Variants in TTC3 observed in about 807,000 individuals in gnomAD.
TTC3 encodes tetratricopeptide repeat domain 3.
TTC3 carries 180 observed loss-of-function variants against 249.6 expected under a neutral mutation model. The observed-to-expected ratio is 0.72, with a 90% CI of 0.64 to 0.82. The LOEUF (loss-of-function observed/expected upper bound fraction) is 0.82. Ranked by LOEUF, TTC3 falls within the 40% of genes least tolerant of loss-of-function variation. The pLI is 0.00. For synonymous variants in TTC3, 717 were observed against 805.0 expected (o/e 0.89, Z 1.85); for missense variants, 2,061 against 2,398.4 (o/e 0.86, Z 2.94).
chr21:37,190,377 G>A (rs986785878), intron 39 of TTC3, among the ~76,000 whole-genome samples: 149 of 151,240 alleles, frequency 9.9e-4, no homozygotes, highest in African/African-American at 3.4e-3. Flanking sequence ...CTGGTGATCC[G>A]CCTGCCTAGG....
intron 20 of TTC3, 125 bp downstream of exon 20, chr21:37,140,798 T>G (rs1240159728): frequency 8.5e-6 from 5 of 588,710 alleles, no homozygotes; most frequent in Non-Finnish European, 1.3e-5. Context: ...TAATTGTGAT[T>G]TACTTTGAGG....
intron 7 of TTC3, among the ~76,000 whole-genome samples, chr21:37,092,658 C>T (rs2073423757): frequency 6.6e-6 from 1 of 152,094 alleles, no homozygotes; most frequent in Non-Finnish European, 1.5e-5. Flanking sequence ...AGGTTTTATT[C>T]CATGTAATCT....
chr21:37,131,078 C>G (rs2077432746), intron 16 of TTC3, among the ~76,000 whole-genome samples: 1 of 152,076 alleles, frequency 6.6e-6, no homozygotes, highest in South Asian at 2.1e-4. Flanking sequence ...TGTCCCAGTT[C>G]CTGGTACAGA....
intron 17 of TTC3, among the ~76,000 whole-genome samples, chr21:37,133,884 T>A (rs2077690621): frequency 6.6e-6 from 1 of 152,034 alleles, no homozygotes; most frequent in Non-Finnish European, 1.5e-5. Context: ...TATTTATTAT[T>A]TTCTTTTGTT....
chr21:37,182,461 C>T (rs1047311945), intron 35 of TTC3, among the ~76,000 whole-genome samples: 1 of 152,236 alleles, frequency 6.6e-6, no homozygotes, highest in African/African-American at 2.4e-5. Flanking sequence ...CATGCATACA[C>T]TCCCTGTAGA....
intron 11 of TTC3, among the ~76,000 whole-genome samples, chr21:37,120,012 A>G (rs999112123): frequency 6.6e-6 from 1 of 152,076 alleles, no homozygotes; most frequent in Non-Finnish European, 1.5e-5. Flanking sequence ...CTGTGGATTT[A>G]TTGCTTTGAC....
chr21:37,132,326 A>AT (rs1048853154), intron 16 of TTC3, among the ~76,000 whole-genome samples: 7 of 135,366 alleles, frequency 5.2e-5, no homozygotes, highest in Admixed American at 3.9e-4. Flanking sequence ...TTCAGATTCT[A>AT]TTTTTTTTCT....
chr21:37,142,600 T>C (rs2078585093), intron 20 of TTC3, among the ~76,000 whole-genome samples: 1 of 152,098 alleles, frequency 6.6e-6, no homozygotes, highest in South Asian at 2.1e-4. Flanking sequence ...TAAAAGAGGA[T>C]ACAAACAAAT....
chr21:37,117,009 A>G (rs187679721), intron 11 of TTC3, among the ~76,000 whole-genome samples: 1 of 152,000 alleles, frequency 6.6e-6, no homozygotes, highest in East Asian at 1.9e-4. Context: ...AGCCTTCATT[A>G]GATTAATTGT....
At position 37,121,684 on chromosome 21, in the gene TTC3, T is replaced by C. The variant is rs940723569; in HGVS notation, c.901-133T>C. 1.8e-5 allele frequency: 15 copies of C among 824,758 alleles called. No homozygotes were observed. The African/African-American group carries it at 1.9e-4, about 11-fold the overall frequency. 51.1% of individuals were successfully genotyped at this position (824,758 alleles called of 1,614,324 possible). On this transcript the variant is annotated intron_variant, in intron 11 of 45. Coordinates refer to ENST00000355666, the Ensembl canonical transcript of TTC3. Reference sequence around the variant, plus strand: ...CTGAGGTATTAACATTTTACATTTATTTTTCATTGGTAGGGACCTAATCTA... The same window carrying C: ...CTGAGGTATTAACATTTTACATTTACTTTTCATTGGTAGGGACCTAATCTA...
At position 37,094,104 on chromosome 21, in the gene TTC3, T is replaced by A. The variant is rs1324673918; in HGVS notation, c.687+14T>A. On this transcript the variant is annotated intron_variant, in intron 8 of 45. Transcript: ENST00000355666. Reference sequence around the variant, plus strand: ...GATTGTATAGAGGTGAGAATGAATATTATAAATATATTTTAAGATTTGCCC... The same window carrying A: ...GATTGTATAGAGGTGAGAATGAATAATATAAATATATTTTAAGATTTGCCC... The A allele has an allele frequency of 2.0e-6, 3 of 1,475,964 alleles. No homozygotes were observed. The highest frequency in any genetic ancestry group is 2.8e-6 in the Non-Finnish European group (3 of 1,085,802). 91.4% of individuals were successfully genotyped at this position (1,475,964 alleles called of 1,614,324 possible). A position where few individuals can be genotyped will look rare whatever the true frequency, so the allele number is the denominator to read the frequency against.
In TTC3 at chr21:37,183,977, A is replaced by G. The variant is rs1396572943; in HGVS notation, c.4757+1064A>G. On this transcript the variant is annotated intron_variant, in intron 36 of 45. Transcript: ENST00000355666. ...CTTTCAAGGGCTTTTGTGTTTTTCC[A>G]TGCCGCATGCCATATGATCAGATGA... is the stretch of plus-strand genomic sequence containing the variant. 2.6e-5 allele frequency among the ~76,000 whole-genome samples: 4 copies of G among 152,244 alleles called. No homozygotes were observed. In the East Asian group the frequency reaches 7.7e-4, roughly 29 times the overall value.
intron 11 of TTC3, among the ~76,000 whole-genome samples, chr21:37,114,505 T>A (rs1247077087): frequency 6.6e-6 from 1 of 152,188 alleles, no homozygotes; most frequent in Non-Finnish European, 1.5e-5. Context: ...CCATTTAGAA[T>A]GGCAATCATT....
At chr21:37,151,789 G>C (rs1470859471) in intron 25 of TTC3, 104 bp from the exon 26 acceptor site, 2 of 1,310,606 alleles carry the variant, frequency 1.5e-6, no homozygotes, top group East Asian at 2.6e-5. Context: ...GCCGGGCTCT[G>C]ATTAAAAAAG....
At chr21:37,136,789 G>T (rs1331844105) in intron 18 of TTC3, among the ~76,000 whole-genome samples, 1 of 152,188 alleles carries the variant, frequency 6.6e-6, no homozygotes, top group Non-Finnish European at 1.5e-5. Flanking sequence ...GGAAGAAGAT[G>T]CCATCTAGGA....
intron 25 of TTC3, 70 bp from the exon 26 acceptor site, chr21:37,151,823 G>C (rs937956110): frequency 2.8e-6 from 4 of 1,448,142 alleles, no homozygotes; most frequent in Non-Finnish European, 3.6e-6. Context: ...ATATTGCTTG[G>C]AAGATGGTTT....
exon 46 of TTC3, chr21:37,201,595 A>G (rs775351519): frequency 4.4e-6 from 7 of 1,604,408 alleles, no homozygotes; most frequent in African/African-American, 4.0e-5. Flanking sequence ...CTAAAGTGTC[A>G]TCCACCAGTG....
intron 27 of TTC3, 181 bp downstream of exon 27, chr21:37,153,458 T>A: frequency 1.7e-6 from 1 of 601,136 alleles, no homozygotes; most frequent in Non-Finnish European, 2.7e-6. Flanking sequence ...GATGATTGCT[T>A]AATCTCAGGA....
intron 42 of TTC3, among the ~76,000 whole-genome samples, chr21:37,196,572 A>G (rs909575039): frequency 6.6e-6 from 1 of 152,204 alleles, no homozygotes; most frequent in Admixed American, 6.5e-5. Context: ...TGTAAATTGA[A>G]AACATTGAGC....
Sources: gnomAD v4.1 joint callset for allele counts (sites outside exome capture counted in the v4.1 genomes callset) on GRCh38, gnomAD v4.1.1 for gene constraint, MANE v1.5 for transcripts, NCBI Gene and HGNC (gene_info 2026-07-23, HGNC 2026-07-21) for gene names.